GALNT17: variants seen among roughly 807,000 people sequenced by gnomAD.
GALNT17 encodes the protein UDP-GalNAc:polypeptide N-acetylgalactosaminyltransferase-like 3.
In GALNT17, 29 loss-of-function variants were observed where a neutral mutation model predicts 63.7. The observed-to-expected ratio is 0.46, with a 90% confidence interval of 0.34 to 0.62. The LOEUF (loss-of-function observed/expected upper bound fraction) is 0.62, where lower values mean the gene tolerates loss of function less well. GALNT17 is among the 20% of genes least tolerant of loss of function. The pLI is 0.01. For missense variants in GALNT17, 603 were observed against 799.6 expected, an observed-to-expected ratio of 0.75 and a Z score of 2.97; for synonymous variants, 305 against 318.3, an observed-to-expected ratio of 0.96 and a Z score of 0.45.
chr7:71,296,111 T>C (rs1791074934), intron 1 of GALNT17, among the ~76,000 whole-genome samples: 1 of 152,224 alleles, frequency 6.6e-6, no homozygotes, highest in South Asian at 2.1e-4. Flanking sequence ...CCTCTTGTTA[T>C]CTGTCTTTGA....
intron 5 of GALNT17, among the ~76,000 whole-genome samples, chr7:71,450,181 G>A (rs2116546696): frequency 6.8e-6 from 1 of 147,180 alleles, no homozygotes; most frequent in Admixed American, 6.9e-5. Flanking sequence ...TGTCGCCCAG[G>A]ATGGAGTGCA....
At chr7:71,178,087 TGTA>T (rs1788670539) in intron 1 of GALNT17, among the ~76,000 whole-genome samples, 1 of 152,188 alleles carries the variant, frequency 6.6e-6, no homozygotes, top group Non-Finnish European at 1.5e-5. Flanking sequence ...TAGAATTCCT[TGTA>T]GTGTGGGTCT....
At chr7:71,274,879 C>T (rs1649800435) in intron 1 of GALNT17, among the ~76,000 whole-genome samples, 2 of 151,978 alleles carry the variant, frequency 1.3e-5, no homozygotes, top group Non-Finnish European at 2.9e-5. Flanking sequence ...GAGAACTTTT[C>T]AAAAAAATAG....
intron 1 of GALNT17, among the ~76,000 whole-genome samples, chr7:71,248,956 T>C (rs990009982): frequency 4.9e-5 from 6 of 122,114 alleles, no homozygotes; most frequent in African/African-American, 2.0e-4. Flanking sequence ...TTTCTAGATA[T>C]GTTGTAAGAA....
At chr7:71,582,811 CAG>C (rs991918314) in intron 6 of GALNT17, among the ~76,000 whole-genome samples, 2 of 151,848 alleles carry the variant, frequency 1.3e-5, no homozygotes, top group African/African-American at 4.8e-5. Flanking sequence ...TTCGGTGACT[CAG>C]GGGAAAGGGT....
At chr7:71,488,181 A>AC (rs1554381224) in intron 5 of GALNT17, among the ~76,000 whole-genome samples, 21 of 150,298 alleles carry the variant, frequency 1.4e-4, no homozygotes, top group Non-Finnish European at 2.2e-4. Flanking sequence ...AAAAAAAAAA[A>AC]AAAAAAAACA....
At chr7:71,673,931 T>C (rs1012360921) in intron 8 of GALNT17, among the ~76,000 whole-genome samples, 2 of 152,216 alleles carry the variant, frequency 1.3e-5, no homozygotes, top group African/African-American at 4.8e-5. Flanking sequence ...CTGCCAGAGC[T>C]GCTGTGTACA....
chr7:71,496,616 G>C (rs2116688544), intron 5 of GALNT17, among the ~76,000 whole-genome samples: 1 of 152,278 alleles, frequency 6.6e-6, no homozygotes, highest in East Asian at 1.9e-4. Context: ...CCATGAGGGA[G>C]GGTGAGGAGG....
chr7:71,347,789 C>G (rs759664834), intron 2 of GALNT17, among the ~76,000 whole-genome samples: 2 of 152,014 alleles, frequency 1.3e-5, no homozygotes, highest in Admixed American at 6.6e-5. Context: ...AGATTCAGCC[C>G]TCACTAGGGA....
At chr7:71,505,231 A>G (rs1291773504) in intron 5 of GALNT17, among the ~76,000 whole-genome samples, 1 of 151,900 alleles carries the variant, frequency 6.6e-6, no homozygotes, top group Non-Finnish European at 1.5e-5. Context: ...GGACCTTTGC[A>G]CGTGCTAGTC....
chr7:71,375,445 C>T (rs980601221), intron 2 of GALNT17, among the ~76,000 whole-genome samples: 2 of 151,158 alleles, frequency 1.3e-5, no homozygotes, highest in Non-Finnish European at 3.0e-5. Flanking sequence ...GAGATGGTCT[C>T]GCTCTGTTGC....
chr7:71,158,725 T>C (rs7796941), intron 1 of GALNT17, among the ~76,000 whole-genome samples: 69,908 of 151,160 alleles, frequency 0.46, 17,824 homozygotes, highest in African/African-American at 0.64. Flanking sequence ...TACAGGCGCC[T>C]GCCACCACAC....
At chr7:71,409,286 G>A (rs1179350648) in intron 3 of GALNT17, among the ~76,000 whole-genome samples, 2 of 152,108 alleles carry the variant, frequency 1.3e-5, no homozygotes, top group African/African-American at 4.8e-5. Context: ...CCCAGATGGA[G>A]TTAGGCAGGG....
At chr7:71,694,324 A>G (rs563804897) in intron 9 of GALNT17, among the ~76,000 whole-genome samples, 1 of 151,716 alleles carries the variant, frequency 6.6e-6, no homozygotes, top group African/African-American at 2.4e-5. Flanking sequence ...ATCAATCTCC[A>G]TAAATGCACT....
intron 6 of GALNT17, among the ~76,000 whole-genome samples, chr7:71,658,606 G>A (rs921641617): frequency 4.6e-5 from 7 of 151,984 alleles, no homozygotes; most frequent in Non-Finnish European, 7.4e-5. Flanking sequence ...AAAATCCCTC[G>A]GCCAGGTGCG....
At chr7:71,321,432 T>C (rs933222496) in intron 1 of GALNT17, among the ~76,000 whole-genome samples, 23 of 152,184 alleles carry the variant, frequency 1.5e-4, no homozygotes, top group African/African-American at 5.5e-4. Flanking sequence ...CAATGTTTGT[T>C]CGGTGCTGAG....
chr7:71,626,894 C>G (rs2116981522), intron 6 of GALNT17, among the ~76,000 whole-genome samples: 1 of 152,316 alleles, frequency 6.6e-6, no homozygotes, highest in East Asian at 1.9e-4. Flanking sequence ...CCATGGGTGG[C>G]CAAAGCTGGG....
chr7:71,685,900 A>C (rs1348412016), intron 9 of GALNT17, among the ~76,000 whole-genome samples: 1 of 132,576 alleles, frequency 7.5e-6, no homozygotes, highest in Non-Finnish European at 1.6e-5. Flanking sequence ...TTTTTATATA[A>C]TTGAGGTTCT....
chr7:71,300,983 T>C (rs1299540173), intron 1 of GALNT17: 2 of 152,376 alleles, frequency 1.3e-5, no homozygotes, highest in Non-Finnish European at 2.9e-5. Context: ...GTTTAATGTA[T>C]TTATATTTAA....
Sources: allele counts gnomAD v4.1 joint callset (sites outside exome capture counted in the v4.1 genomes callset), GRCh38; gene constraint gnomAD v4.1.1; transcripts MANE v1.5; gene names NCBI Gene and HGNC (gene_info 2026-07-23, HGNC 2026-07-21).